PAWR: variants seen among roughly 807,000 people sequenced by gnomAD.
PAWR encodes pro-apoptotic WT1 regulator, also known as PRKC apoptosis WT1 regulator protein.
Under a neutral mutation model 32.0 loss-of-function variants are expected in PAWR, and 23 were observed. The ratio of observed to expected loss-of-function variants is 0.72; its 90% CI spans 0.52 to 1.02. The LOEUF (loss-of-function observed/expected upper bound fraction) is 1.02, where lower values mean the gene tolerates loss of function less well. Among genes scored for constraint, PAWR ranks in the 50% least tolerant of loss-of-function variants. The probability of loss-of-function intolerance (pLI) is 0.00; values close to 1 mark genes in which losing one functional copy is unlikely to be tolerated. For synonymous variants in PAWR, 226 were observed against 187.1 expected (o/e 1.21, Z -1.70); for missense variants, 457 against 437.7 (o/e 1.04, Z -0.39).
chr12:79,604,493 AT>A (rs1284752289), intron 4 of PAWR: 2 of 1,130,058 alleles, frequency 1.8e-6, no homozygotes, highest in African/African-American at 1.7e-5. Context: ...AATAGACATT[AT>A]AAAGCTTAGC....
intron 2 of PAWR, among the ~76,000 whole-genome samples, chr12:79,651,712 G>C (rs112757082): frequency 6.7e-6 from 1 of 148,802 alleles, no homozygotes; most frequent in African/African-American, 2.4e-5. Flanking sequence ...GCGGGGGCTG[G>C]GGGGGTGGGG....
At chr12:79,654,609 A>G (rs1425967716) in intron 2 of PAWR, among the ~76,000 whole-genome samples, 1 of 152,174 alleles carries the variant, frequency 6.6e-6, no homozygotes, top group Non-Finnish European at 1.5e-5. Flanking sequence ...AGTTTATAAT[A>G]GCTGGGTAAT....
chr12:79,599,337 T>C (rs1873876186), intron 4 of PAWR, among the ~76,000 whole-genome samples: 1 of 152,228 alleles, frequency 6.6e-6, no homozygotes. Flanking sequence ...TTCACACTTT[T>C]AGTGTACTAT....
At chr12:79,681,995 A>G (rs1401578654) in intron 2 of PAWR, among the ~76,000 whole-genome samples, 1 of 152,232 alleles carries the variant, frequency 6.6e-6, no homozygotes, top group Admixed American at 6.5e-5. Context: ...TGTAACCTGC[A>G]AATTCTAAAA....
chr12:79,601,418 C>T (rs1021172999), intron 4 of PAWR, among the ~76,000 whole-genome samples: 3 of 151,764 alleles, frequency 2.0e-5, no homozygotes, highest in Non-Finnish European at 4.4e-5. Context: ...TTGCCCAGGC[C>T]GGTCCTGAAG....
At position 79,641,845 on chromosome 12, in the gene PAWR, CAAAAAAAAAAAAAAAAAA is replaced by C. The variant is rs35377529; in HGVS notation, c.517-20656_517-20639del. 5.4e-3 allele frequency among the ~76,000 whole-genome samples: 309 copies of C among 57,710 alleles called. 3 individuals carry two copies. Among genetic ancestry groups the C allele is most frequent in the African/African-American group, 0.018 (297 of 16,158 alleles). The allele number at this position is 57,710 out of a possible 152,430, so 37.9% of individuals were successfully genotyped here. A position where few individuals can be genotyped will look rare whatever the true frequency, so the allele number is the denominator to read the frequency against. On this transcript the variant is annotated intron_variant, in intron 2 of 6. Coordinates refer to ENST00000328827, the MANE Select transcript of PAWR (RefSeq NM_002583.4). ...CTGGCAACCGAGCGAGACTCCGTCT[CAAAAAAAAAAAAAAAAAA>C]AAAAAAAAAAAAGTCATATGATTTA...
chr12:79,653,059 T>C (rs1023257647), intron 2 of PAWR, among the ~76,000 whole-genome samples: 6 of 152,246 alleles, frequency 3.9e-5, no homozygotes, highest in Non-Finnish European at 8.8e-5. Flanking sequence ...GTTTGTTTTT[T>C]TGAGACAGAG....
At chr12:79,626,249 G>T (rs1875310622) in intron 2 of PAWR, among the ~76,000 whole-genome samples, 1 of 147,064 alleles carries the variant, frequency 6.8e-6, no homozygotes, top group Admixed American at 6.8e-5. Flanking sequence ...ATACAAGCCA[G>T]AAAACAATGA....
chr12:79,642,049 C>A (rs2136776184), intron 2 of PAWR, among the ~76,000 whole-genome samples: 1 of 151,508 alleles, frequency 6.6e-6, no homozygotes, highest in African/African-American at 2.4e-5. Flanking sequence ...ATTTTATGTG[C>A]CACTGAGAAA....
At chr12:79,607,916 G>A (rs1874258146) in intron 4 of PAWR, among the ~76,000 whole-genome samples, 1 of 151,798 alleles carries the variant, frequency 6.6e-6, no homozygotes, top group South Asian at 2.1e-4. Context: ...GGGCATGGGG[G>A]CGCATGCCTG....
chr12:79,651,765 T>C (rs1172071066), intron 2 of PAWR, among the ~76,000 whole-genome samples: 1 of 151,948 alleles, frequency 6.6e-6, no homozygotes, highest in Non-Finnish European at 1.5e-5. Context: ...GTCTCTTCTG[T>C]AGTAGATGTC....
intron 2 of PAWR, among the ~76,000 whole-genome samples, chr12:79,644,616 A>T (rs187878941): frequency 6.6e-6 from 1 of 152,260 alleles, no homozygotes; most frequent in Admixed American, 6.5e-5. Context: ...ATTCTTTTTT[A>T]AAAAAATCTG....
Position 79,588,125 on chromosome 12 carries a change from G to A in PAWR, c.*4482C>T, listed in dbSNP as rs1873440575. 1 of 151,924 alleles carries A rather than the reference G, an allele frequency of 6.6e-6. No homozygotes were observed. Among genetic ancestry groups the A allele is most frequent in the South Asian group, 2.1e-4 (1 of 4,824 alleles). 9.4% of individuals were successfully genotyped at this position (151,924 alleles called of 1,614,324 possible). ...AAGAAATAAGTTCACCAAAAAAGTA[G>A]CATACACCTATTTGGTATCCAGAGG... On this transcript the variant is annotated 3_prime_UTR_variant, in exon 7 of 7. Coordinates refer to ENST00000328827, the MANE Select transcript of PAWR (RefSeq NM_002583.4).
rs1878991978 is a variant in PAWR at position 79,690,900 on chromosome 12, T to C, written c.-176A>G. ...GGAGGAGCTTGTAGGGGACGAGGCG[T>C]AGGGCTGGGATCCGGCTCCCAGGTG... On this transcript the variant is annotated 5_prime_UTR_variant, in exon 1 of 7. Coordinates refer to ENST00000328827, the MANE Select transcript of PAWR (RefSeq NM_002583.4). 6.6e-6 allele frequency: 1 copy of C among 151,922 alleles called. No individual in the cohort carries two copies. Among genetic ancestry groups the C allele is most frequent in the African/African-American group, 2.4e-5 (1 of 41,338 alleles). The allele number at this position is 151,922 out of a possible 1,614,324, so 9.4% of individuals were successfully genotyped here.
Position 79,628,967 on chromosome 12 carries a change from T to C in PAWR, c.517-7760A>G, listed in dbSNP as rs140409588. Among the ~76,000 whole-genome samples the C allele has an allele frequency of 7.8e-4, 119 of 152,110 alleles. 1 individual carries two copies. The highest frequency in any genetic ancestry group is 2.6e-3 in the African/African-American group (106 of 41,534). ...ACTGTGATAAGTTAAAGATGTATAATACATATATATAGATATTTAACCCTA... is the reference window on the plus strand; with the variant it reads ...ACTGTGATAAGTTAAAGATGTATAACACATATATATAGATATTTAACCCTA... On this transcript the variant is annotated intron_variant, in intron 2 of 6. Transcript: ENST00000328827.
rs188055666 is a variant in PAWR, at chr12:79,679,897, G to A, written c.516+9832C>T. ...CCTTTTCTACCACTATTGCCCTAGC[G>A]ATCATTATTAGTATACTCTTATATG... is the stretch of plus-strand genomic sequence containing the variant. On this transcript the variant is annotated intron_variant, in intron 2 of 6. Transcript: ENST00000328827. Among the ~76,000 whole-genome samples, 58 of 152,082 alleles carry A rather than the reference G, an allele frequency of 3.8e-4. No individual in the cohort carries two copies. In the East Asian group the frequency reaches 0.01, roughly 26 times the overall value.
intron 4 of PAWR, chr12:79,604,468 G>A: frequency 2.8e-6 from 3 of 1,075,514 alleles, no homozygotes; most frequent in Non-Finnish European, 3.4e-6. Context: ...TATAGCTAGA[G>A]GAATTTTCCA....
chr12:79,654,284 T>C (rs1202134867), intron 2 of PAWR, among the ~76,000 whole-genome samples: 1 of 152,146 alleles, frequency 6.6e-6, no homozygotes, highest in Non-Finnish European at 1.5e-5. Context: ...GGCTTGTCAA[T>C]CTAATGGTTA....
chr12:79,682,451 C>G (rs1878491279), intron 2 of PAWR, among the ~76,000 whole-genome samples: 1 of 152,156 alleles, frequency 6.6e-6, no homozygotes, highest in Admixed American at 6.5e-5. Context: ...ATACAACTGC[C>G]CTATTTCTTC....
Sources: gnomAD v4.1 joint callset for allele counts (sites outside exome capture counted in the v4.1 genomes callset) on GRCh38, gnomAD v4.1.1 for gene constraint, MANE v1.5 for transcripts, NCBI Gene and HGNC (gene_info 2026-07-23, HGNC 2026-07-21) for gene names.